KCNMB2: variants seen among roughly 807,000 people sequenced by gnomAD.
KCNMB2 encodes potassium calcium-activated channel subfamily M regulatory beta subunit 2.
A neutral mutation model predicts 24.5 loss-of-function variants in KCNMB2; 9 were observed. The ratio of observed to expected loss-of-function variants is 0.37; its 90% CI spans 0.22 to 0.64. KCNMB2 has a LOEUF of 0.64. Ranked by LOEUF, KCNMB2 falls within the 30% of genes least tolerant of loss-of-function variation. KCNMB2 has a pLI of 0.63. For synonymous variants in KCNMB2, 109 were observed against 104.4 expected, an observed-to-expected ratio of 1.04 and a Z score of -0.27; for missense variants, 226 against 284.3, an observed-to-expected ratio of 0.79 and a Z score of 1.47.
intron 1 of KCNMB2, among the ~76,000 whole-genome samples, chr3:178,754,177 T>TATATATATATATATATATACACAC (rs1435109631): frequency 2.6e-5 from 3 of 117,226 alleles, no homozygotes; most frequent in African/African-American, 1.1e-4. Context: ...TATATATATA[T>TATATATATATATATATATACACAC]ACACACACAC....
chr3:178,787,056 G>C (rs1013817813), intron 1 of KCNMB2, among the ~76,000 whole-genome samples: 1 of 152,036 alleles, frequency 6.6e-6, no homozygotes, highest in Non-Finnish European at 1.5e-5. Flanking sequence ...AACGACCCCA[G>C]TTACAGATGA....
rs145160146 is a variant in KCNMB2, at chr3:178,639,126, G to T, written c.-68+102415G>T. Among the ~76,000 whole-genome samples the T allele has an allele frequency of 3.4e-3, 520 of 152,086 alleles. 2 individuals are homozygous for T. The highest frequency in any genetic ancestry group is 0.012 in the African/African-American group (486 of 41,504). The stretch of plus-strand genomic sequence containing the variant: ...GTAACATCTTCAAATATTGTTTGCT[G>T]CTTATGACAGAAGCAAAGCCATGTT... On this transcript the variant is annotated intron_variant, in intron 1 of 4. Transcript: ENST00000452583.
intron 1 of KCNMB2, among the ~76,000 whole-genome samples, chr3:178,780,676 G>A (rs1475521867): frequency 6.6e-6 from 1 of 152,122 alleles, no homozygotes; most frequent in African/African-American, 2.4e-5. Context: ...AAACTAACTT[G>A]GGTTTGAATC....
At chr3:178,795,072 T>C (rs1713483413) in intron 1 of KCNMB2, 1 of 152,190 alleles carries the variant, frequency 6.6e-6, no homozygotes, top group South Asian at 2.1e-4. Context: ...ATATTTGATG[T>C]TAAAAAAATC....
chr3:178,561,879 T>C (rs927116151), intron 1 of KCNMB2, among the ~76,000 whole-genome samples: 4 of 152,194 alleles, frequency 2.6e-5, no homozygotes, highest in Non-Finnish European at 4.4e-5. Context: ...ATGAAAGACA[T>C]GGCAAGATTC....
chr3:178,555,934 C>G (rs1716110427), intron 1 of KCNMB2, among the ~76,000 whole-genome samples: 1 of 152,162 alleles, frequency 6.6e-6, no homozygotes, highest in Non-Finnish European at 1.5e-5. Context: ...CATATTTGAT[C>G]TGTGTCTTAA....
intron 1 of KCNMB2, among the ~76,000 whole-genome samples, chr3:178,624,594 CTTTCTTTTTT>C (rs1560136221): frequency 4.5e-5 from 2 of 44,186 alleles, no homozygotes; most frequent in Non-Finnish European, 8.4e-5. Flanking sequence ...TTCTTTTTTT[CTTTCTTTTTT>C]TTTTTTTTTA....
chr3:178,837,983 T>C (rs1438295360), intron 4 of KCNMB2, among the ~76,000 whole-genome samples: 2 of 152,202 alleles, frequency 1.3e-5, no homozygotes, highest in Non-Finnish European at 2.9e-5. Context: ...AACTTAGCAC[T>C]GTTCACCACT....
intron 1 of KCNMB2, among the ~76,000 whole-genome samples, chr3:178,542,719 T>C (rs1576999394): frequency 3.3e-5 from 5 of 152,154 alleles, no homozygotes; most frequent in African/African-American, 1.2e-4. Flanking sequence ...ATGTACTCCT[T>C]CCCTAAACAA....
chr3:178,715,390 A>C (rs1429418257), intron 1 of KCNMB2, among the ~76,000 whole-genome samples: 7 of 144,048 alleles, frequency 4.9e-5, no homozygotes, highest in Non-Finnish European at 9.0e-5. Flanking sequence ...TTGGTTTCAG[A>C]AAGTTGGTGG....
rs995342414 is a variant in KCNMB2 at position 178,760,667 on chromosome 3, A to C, written c.-67-46676A>C. On this transcript the variant is annotated intron_variant, in intron 1 of 4. Coordinates refer to ENST00000452583, the MANE Select transcript of KCNMB2 (RefSeq NM_181361.3). ...AAGGAAATAAATTAAAGGAAAAAGA[A>C]GAAACAAAGATGCAGTCGAAGTGTA... is the stretch of plus-strand genomic sequence containing the variant. Among the ~76,000 whole-genome samples the C allele has an allele frequency of 3.3e-5, 5 of 151,726 alleles. No homozygotes were observed. The South Asian group carries it at 6.2e-4, about 19-fold the overall frequency.
intron 1 of KCNMB2, among the ~76,000 whole-genome samples, chr3:178,758,284 C>T (rs1251553552): frequency 1.5e-4 from 1 of 6,580 alleles, no homozygotes; most frequent in South Asian, 7.1e-3. Flanking sequence ...ATATATATCT[C>T]CAAGGGGATA....
chr3:178,677,934 T>C (rs981371690), intron 1 of KCNMB2, among the ~76,000 whole-genome samples: 3 of 152,134 alleles, frequency 2.0e-5, no homozygotes, highest in African/African-American at 7.2e-5. Flanking sequence ...CATGCTCACT[T>C]TGGGGTAGAG....
chr3:178,822,305 G>T (rs1714662955), intron 2 of KCNMB2, among the ~76,000 whole-genome samples: 3 of 152,132 alleles, frequency 2.0e-5, no homozygotes, highest in Admixed American at 2.0e-4. Context: ...TTTTGTTTAA[G>T]GTGTTTCTCC....
At chr3:178,754,981 G>A (rs1009691768) in intron 1 of KCNMB2, among the ~76,000 whole-genome samples, 1 of 152,248 alleles carries the variant, frequency 6.6e-6, no homozygotes, top group African/African-American at 2.4e-5. Context: ...GCCGTCATTG[G>A]CAATGAAATT....
At chr3:178,636,309 C>T (rs1363855680) in intron 1 of KCNMB2, among the ~76,000 whole-genome samples, 10 of 152,038 alleles carry the variant, frequency 6.6e-5, no homozygotes, top group Non-Finnish European at 1.3e-4. Flanking sequence ...GTATACTGCT[C>T]GGGTGATGGG....
intron 1 of KCNMB2, among the ~76,000 whole-genome samples, chr3:178,698,284 T>C (rs1484678062): frequency 1.3e-5 from 2 of 152,228 alleles, no homozygotes; most frequent in Non-Finnish European, 2.9e-5. Flanking sequence ...TATCTTTACA[T>C]AATCCCATAT....
intron 2 of KCNMB2, among the ~76,000 whole-genome samples, chr3:178,815,030 T>C (rs1210371048): frequency 1.2e-5 from 1 of 85,982 alleles, no homozygotes; most frequent in African/African-American, 1.0e-4. Flanking sequence ...AGCACTGTCT[T>C]TTTTTTTGTA....
At chr3:178,569,919 G>C (rs1716709002) in intron 1 of KCNMB2, among the ~76,000 whole-genome samples, 1 of 152,102 alleles carries the variant, frequency 6.6e-6, no homozygotes, top group Non-Finnish European at 1.5e-5. Flanking sequence ...TAAAGGAAAG[G>C]GGCTGAAGAT....
Sources: allele counts gnomAD v4.1 joint callset (sites outside exome capture counted in the v4.1 genomes callset), GRCh38; gene constraint gnomAD v4.1.1; transcripts MANE v1.5; gene names NCBI Gene and HGNC (gene_info 2026-07-23, HGNC 2026-07-21).